FUZ: variants seen among roughly 807,000 people sequenced by gnomAD.
FUZ encodes the protein protein fuzzy homolog.
Under a neutral mutation model 43.1 loss-of-function variants are expected in FUZ, and 31 were observed. That is an observed-to-expected ratio of 0.72 (90% CI 0.54 to 0.97). The LOEUF is 0.97. Ranked by LOEUF, FUZ falls within the 50% of genes least tolerant of loss-of-function variation. FUZ has a pLI of 0.00. For missense variants in FUZ, 539 were observed against 543.8 expected (o/e 0.99, Z 0.09); for synonymous variants, 274 against 250.0 (o/e 1.10, Z -0.91).
At position 49,806,939 on chromosome 19, in the gene FUZ, T is replaced by TG. The variant is rs557859716; in HGVS notation, c.*211dup. 5.6e-5 allele frequency: 86 copies of TG among 1,534,330 alleles called. 1 individual carries two copies. The South Asian group carries it at 8.8e-4, about 16-fold the overall frequency. ...TGTTCATCTGCTGCTGTTTACATTC[T>TG]GGGGGGTTAGGGGGAGTCCCCCTCC... On this transcript the variant is annotated 3_prime_UTR_variant, in exon 11 of 11. Coordinates refer to ENST00000313777, the MANE Select transcript of FUZ (RefSeq NM_025129.5).
At position 49,808,756 on chromosome 19, in the gene FUZ, GC is replaced by G; in HGVS notation, c.853del (p.Ala285ArgfsTer22). The G allele has an allele frequency of 6.3e-7, 1 of 1,578,438 alleles. No individual in the cohort carries two copies. Among genetic ancestry groups the G allele is most frequent in the Non-Finnish European group, 8.6e-7 (1 of 1,162,012 alleles). ...GTGAAGGGGGAAGCCACTGGGCAGC[GC>G]CCGGGGTCCCAACGGCAGACAGGCC... Reference protein sequence around the residue: ...LRACLPLGPRALPSGFPLHTD... With the variant: ...LRACLPLGPRXLPSGFPLHTD... On this transcript the variant is annotated frameshift_variant, in exon 8 of 11. Coordinates refer to ENST00000313777, the MANE Select transcript of FUZ (RefSeq NM_025129.5). LOFTEE classifies it high-confidence loss of function.
Position 49,807,011 on chromosome 19 carries a change from G to A in FUZ, c.*140C>T, listed in dbSNP as rs755657628. 18 of 1,520,644 alleles carry A rather than the reference G, an allele frequency of 1.2e-5. No homozygotes were observed. In the East Asian group the frequency reaches 3.7e-4, roughly 32 times the overall value. 94.2% of individuals were successfully genotyped at this position (1,520,644 alleles called of 1,614,324 possible). A position where few individuals can be genotyped will look rare whatever the true frequency, so the allele number is the denominator to read the frequency against. ...AGAGGGGAGAGGGGCCAGGGAAGTG[G>A]ATGTCTCCTCCCCTCCCACCCCACC... On this transcript the variant is annotated 3_prime_UTR_variant, in exon 11 of 11. Transcript: ENST00000313777.
chr19:49,808,610 G>A lies in FUZ; in HGVS notation c.922C>T (p.Arg308Cys), dbSNP rs749706858. The A allele has an allele frequency of 3.1e-6, 5 of 1,613,280 alleles. No homozygotes were observed. Among genetic ancestry groups the A allele is most frequent in the East Asian group, 2.2e-5 (1 of 44,856 alleles). ...AAGGGCTCCACGGTGAAGAGGCAGC[G>A]CTTCAGTTCCAGGTGGAGGAGCAGC... The part of the protein sequence containing the change: ...GLLLLHLELK[R>C]CLFTVEPLGD... Residue 308 changes from arginine to cysteine, a missense_variant, in exon 9 of 11, where the codon CGC becomes TGC. Coordinates refer to ENST00000313777, the MANE Select transcript of FUZ (RefSeq NM_025129.5).
Position 49,806,960 on chromosome 19 carries a change from C to G in FUZ, c.*191G>C. The G allele has an allele frequency of 2.0e-6, 3 of 1,533,080 alleles. No homozygotes were observed. Among genetic ancestry groups the G allele is most frequent in the Non-Finnish European group, 2.6e-6 (3 of 1,146,374 alleles). The allele number at this position is 1,533,080 out of a possible 1,614,324, so 95.0% of individuals were successfully genotyped here. A position where few individuals can be genotyped will look rare whatever the true frequency, so the allele number is the denominator to read the frequency against. Reference sequence around the variant, plus strand: ...ATTCTGGGGGGTTAGGGGGAGTCCCCCTCCCTCCCTTTCCCCCCCAAGCAC... The same window carrying G: ...ATTCTGGGGGGTTAGGGGGAGTCCCGCTCCCTCCCTTTCCCCCCCAAGCAC... On this transcript the variant is annotated 3_prime_UTR_variant, in exon 11 of 11. Transcript: ENST00000313777.
At position 49,808,708 on chromosome 19, in the gene FUZ, G is replaced by A. The variant is rs761655684; in HGVS notation, c.893+9C>T. On this transcript the variant is annotated intron_variant, in intron 8 of 10. Coordinates refer to ENST00000313777, the MANE Select transcript of FUZ (RefSeq NM_025129.5). ...GACCCCCGACCCACTCCCTCCATCC[G>A]AGCCCTACCCGAGGATGTCTGTGTG... The A allele has an allele frequency of 1.2e-5, 19 of 1,597,240 alleles. No individual in the cohort carries two copies. Among genetic ancestry groups the A allele is most frequent in the Non-Finnish European group, 1.5e-5 (18 of 1,171,956 alleles).
At chr19:49,811,272 G>C (rs890367242) in intron 5 of FUZ, 91 bp downstream of exon 5, 1 of 822,416 alleles carries the variant, frequency 1.2e-6, no homozygotes, top group Admixed American at 2.0e-5. Context: ...AGGATAGGAG[G>C]AGGTTGGGAC....
At position 49,809,552 on chromosome 19, in the gene FUZ, C is replaced by T; in HGVS notation, c.516G>A (p.Glu172=). ...GACTGACGAAGGTCGTGCCCGCGGC[C>T]TCAGCGAACCCGGAGAGGGCTTCCT... The part of the protein sequence containing the change: ...LLQEALSGFA[E]AAGTTFVSLV... Residue 172 remains glutamate (E), a synonymous_variant, in exon 6 of 11, where the codon GAG becomes GAA. Coordinates refer to ENST00000313777, the MANE Select transcript of FUZ (RefSeq NM_025129.5). This position sits in a 1 kb window ranked among gnomAD's most constrained non-coding sequence, Gnocchi z 5.1. The T allele has an allele frequency of 1.3e-6, 2 of 1,599,516 alleles. No homozygotes were observed. The highest frequency in any genetic ancestry group is 1.1e-5 in the South Asian group (1 of 89,334).
At chr19:49,812,894 ACAAATTC>A (rs899319171) in intron 1 of FUZ, 95 bp downstream of exon 1, 392 of 1,345,552 alleles carry the variant, frequency 2.9e-4, no homozygotes, top group Middle Eastern at 5.4e-4. Context: ...CCTCGGTCCT[ACAAATTC>A]AACACTGAAA....
In FUZ at chr19:49,811,438, C is replaced by T; in HGVS notation, c.417G>A (p.Leu139=). The change falls in exon 5 of 11, where the codon CTG becomes CTA. Residue 139 remains leucine (L), a synonymous_variant. Transcript: ENST00000313777. ...RASYCLIDSF[L]GDSELIGDLT... is the part of the protein sequence containing the mutation. ...GGTCCCCGATGAGCTCCGAGTCCCC[C>T]AGGAAGCTGTCGATGAGGCAATAAC... 1 of 1,614,018 alleles carries T rather than the reference C, an allele frequency of 6.2e-7. No homozygotes were observed. Among genetic ancestry groups the T allele is most frequent in the Non-Finnish European group, 8.5e-7 (1 of 1,179,968 alleles).
chr19:49,811,816 C>T, intron 3 of FUZ, 117 bp from the exon 4 acceptor site: 1 of 922,552 alleles, frequency 1.1e-6, no homozygotes, highest in Non-Finnish European at 1.8e-6. Context: ...AGTCAAGATT[C>T]CTGGGTTCTG....
At chr19:49,807,507 G>A in intron 10 of FUZ, 133 bp from the exon 11 acceptor site, 1 of 852,244 alleles carries the variant, frequency 1.2e-6, no homozygotes, top group Non-Finnish European at 1.9e-6. Context: ...TGCCAGGGGA[G>A]GGCCTCGGGG....
chr19:49,807,183 G>C lies in FUZ; in HGVS notation c.1225C>G (p.His409Asp). ...PTHGLRSLAT[H>D]TLHALTPLL ...AGTGGGGTGAGGGCATGCAGAGTGT[G>C]GGTGGCCAGGCTTCGCAGCCCATGG... The change falls in exon 11 of 11, where the codon CAC (histidine) becomes GAC (aspartate). Residue 409 changes from histidine to aspartate, a missense_variant. Physicochemically the swap from His to Asp is moderately conservative, Grantham distance 81. Transcript: ENST00000313777. 1 of 1,613,366 alleles carries C rather than the reference G, an allele frequency of 6.2e-7. No individual in the cohort carries two copies. Among genetic ancestry groups the C allele is most frequent in the Non-Finnish European group, 8.5e-7 (1 of 1,179,850 alleles).
chr19:49,813,086 G>GC lies in FUZ; in HGVS notation c.20dup (p.Gly8ArgfsTer70). ...CGAGGCACAGCAGATGCACAGTGCC[G>GC]CCCGTCCCCTCCTCCCCCATTTAGG... On this transcript the variant is annotated frameshift_variant, in exon 1 of 11. Coordinates refer to ENST00000313777, the MANE Select transcript of FUZ (RefSeq NM_025129.5). LOFTEE classifies it high-confidence loss of function. 1 of 1,551,318 alleles carries GC rather than the reference G, an allele frequency of 6.4e-7. No individual in the cohort carries two copies. Among genetic ancestry groups the GC allele is most frequent in the Non-Finnish European group, 8.7e-7 (1 of 1,146,938 alleles).
At chr19:49,811,534 T>G in intron 4 of FUZ, 67 bp from the exon 5 acceptor site, 1 of 1,581,114 alleles carries the variant, frequency 6.3e-7, no homozygotes. Context: ...CAAGAACCTG[T>G]GGGACCAGGC....
chr19:49,812,413 C>G, intron 2 of FUZ, 78 bp from the exon 3 acceptor site: 1 of 1,376,846 alleles, frequency 7.3e-7, no homozygotes, highest in Non-Finnish European at 1.0e-6. Context: ...CCCATTGATC[C>G]TAGAACACCA....
chr19:49,812,906 C>G, intron 1 of FUZ, 90 bp downstream of exon 1: 1 of 1,381,306 alleles, frequency 7.2e-7, no homozygotes, highest in East Asian at 2.5e-5. Context: ...AAATTCAACA[C>G]TGAAACTTCC....
Position 49,809,332 on chromosome 19 carries a change from C to A in FUZ, c.690+46G>T. ...TCGCAGATCCCGCCTCCTCGCGACT[C>A]GGCCCCCAGGTCACATCCCTCCGTC... On this transcript the variant is annotated intron_variant, in intron 6 of 10. Coordinates refer to ENST00000313777, the MANE Select transcript of FUZ (RefSeq NM_025129.5). This position sits in a 1 kb window ranked among gnomAD's most constrained non-coding sequence, Gnocchi z 5.1. 1 of 1,546,976 alleles carries A rather than the reference C, an allele frequency of 6.5e-7. No individual in the cohort carries two copies. The highest frequency in any genetic ancestry group is 8.7e-7 in the Non-Finnish European group (1 of 1,146,626).
At chr19:49,811,507 G>A (rs2073789526) in intron 4 of FUZ, 40 bp from the exon 5 acceptor site, 2 of 1,594,614 alleles carry the variant, frequency 1.3e-6, no homozygotes, top group Non-Finnish European at 1.7e-6. Flanking sequence ...ATTCAAGTGG[G>A]CCCAGGGTCA....
intron 3 of FUZ, 150 bp downstream of exon 3, chr19:49,812,100 TC>T (rs1208808324): frequency 1.4e-6 from 1 of 712,060 alleles, no homozygotes; most frequent in African/African-American, 1.8e-5. Flanking sequence ...AGAGCGAGAC[TC>T]CGTCTCAAAA....
Sources: gnomAD v4.1 joint callset for allele counts on GRCh38, gnomAD v4.1.1 for gene constraint, Gnocchi (gnomAD v3.1) non-coding constraint, MANE v1.5 for transcripts, NCBI Gene and HGNC (gene_info 2026-07-23, HGNC 2026-07-21) for gene names.